GPI: variants seen among roughly 807,000 people sequenced by gnomAD.
GPI encodes the protein glucose-6-phosphate isomerase.
Under a neutral mutation model 75.8 loss-of-function variants are expected in GPI, and 56 were observed. That is an observed-to-expected ratio of 0.74 (90% CI 0.60 to 0.92). The LOEUF (loss-of-function observed/expected upper bound fraction) is 0.92, where lower values mean the gene tolerates loss of function less well. Ranked by LOEUF, GPI falls within the 40% of genes least tolerant of loss-of-function variation. The probability of loss-of-function intolerance (pLI) is 0.00; values close to 1 mark genes in which losing one functional copy is unlikely to be tolerated. For missense variants in GPI, 638 were observed against 741.0 expected (o/e 0.86, Z 1.61); for synonymous variants, 288 against 285.4 (o/e 1.01, Z -0.09).
At chr19:34,387,515 T>C (rs1015997376) in intron 9 of GPI, among the ~76,000 whole-genome samples, 11 of 151,684 alleles carry the variant, frequency 7.3e-5, no homozygotes, top group African/African-American at 2.4e-4. Context: ...TGTCAGTGAG[T>C]CTGTGGATCC....
chr19:34,384,716 G>A (rs2074706452), intron 9 of GPI, among the ~76,000 whole-genome samples: 2 of 152,194 alleles, frequency 1.3e-5, no homozygotes, highest in Non-Finnish European at 2.9e-5. Flanking sequence ...ATCTGGCACA[G>A]TGAGCAGGTC....
Position 34,365,223 on chromosome 19 carries a change from C to T in GPI, c.-44C>T, listed in dbSNP as rs773642615. The T allele has an allele frequency of 1.5e-5, 21 of 1,441,500 alleles. 1 individual carries two copies. Among genetic ancestry groups the T allele is most frequent in the Middle Eastern group, 1.9e-4 (1 of 5,302 alleles). 89.3% of individuals were successfully genotyped at this position (1,441,500 alleles called of 1,614,324 possible). A position where few individuals can be genotyped will look rare whatever the true frequency, so the allele number is the denominator to read the frequency against. The stretch of plus-strand genomic sequence containing the variant: ...TTGCTGCGCGCTGCCGGCGCTCCTT[C>T]CTCCTCGGCTCGCGTCTCACTCAGT... On this transcript the variant is annotated 5_prime_UTR_variant, in exon 1 of 18. Coordinates refer to ENST00000356487, the MANE Select transcript of GPI (RefSeq NM_000175.5).
intron 9 of GPI, among the ~76,000 whole-genome samples, chr19:34,390,957 C>G (rs1312458371): frequency 8.1e-6 from 1 of 124,138 alleles, no homozygotes; most frequent in Non-Finnish European, 1.7e-5. Flanking sequence ...GCACCTGGCA[C>G]AGGTATGAGG....
rs553828243 is a variant in GPI at position 34,390,594 on chromosome 19, A to G, written c.805-2654A>G. The stretch of plus-strand genomic sequence containing the variant: ...CCTGGGTCTGCTGGTGTCTGAGGAG[A>G]TAACAGCAGGTTACAGGTATGAGGC... On this transcript the variant is annotated intron_variant, in intron 9 of 17. Coordinates refer to ENST00000356487, the MANE Select transcript of GPI (RefSeq NM_000175.5). Among the ~76,000 whole-genome samples, 364 of 147,600 alleles carry G rather than the reference A, an allele frequency of 2.5e-3. 1 individual carries two copies. Among genetic ancestry groups the G allele is most frequent in the Non-Finnish European group, 4.3e-3 (287 of 66,640 alleles).
At chr19:34,376,933 G>C (rs1190120615) in intron 4 of GPI, among the ~76,000 whole-genome samples, 2 of 151,834 alleles carry the variant, frequency 1.3e-5, no homozygotes, top group Non-Finnish European at 2.9e-5. Flanking sequence ...CAGGCTTGTA[G>C]TCCCAGCTAC....
chr19:34,376,529 A>AC (rs947144083), intron 4 of GPI, among the ~76,000 whole-genome samples: 55 of 146,716 alleles, frequency 3.7e-4, no homozygotes, highest in Admixed American at 3.5e-3. Flanking sequence ...GTGCCGTTGT[A>AC]CTCCAGCCTG....
At chr19:34,398,448 C>G (rs916316575) in intron 14 of GPI, 1 of 152,034 alleles carries the variant, frequency 6.6e-6, no homozygotes, top group African/African-American at 2.4e-5. Context: ...TAGAACAGGG[C>G]GATGATGCCT....
chr19:34,381,860 C>T (rs2074658870), intron 9 of GPI, among the ~76,000 whole-genome samples: 1 of 152,218 alleles, frequency 6.6e-6, no homozygotes, highest in Non-Finnish European at 1.5e-5. Flanking sequence ...CTCTGAACTG[C>T]AGCCACCATC....
chr19:34,372,252 C>T (rs953758735), intron 4 of GPI, among the ~76,000 whole-genome samples: 6 of 152,190 alleles, frequency 3.9e-5, no homozygotes, highest in Non-Finnish European at 5.9e-5. Flanking sequence ...TTTCTAACCT[C>T]TTTTGTCACA....
chr19:34,361,599 T>C (rs1368564013), upstream of GPI, among the ~76,000 whole-genome samples: 1 of 152,136 alleles, frequency 6.6e-6, no homozygotes, highest in Non-Finnish European at 1.5e-5. Flanking sequence ...GGCTTTGGAT[T>C]AGACTTTTCT....
At chr19:34,365,551 C>A (rs2145313638) in intron 1 of GPI, 163 bp downstream of exon 1, 1 of 1,181,748 alleles carries the variant, frequency 8.5e-7, no homozygotes, top group Non-Finnish European at 1.2e-6. Flanking sequence ...TCCTTGGAGT[C>A]TCCTTGGAGT....
chr19:34,366,913 T>C (rs1341657019), intron 3 of GPI, 62 bp downstream of exon 3: 6 of 1,194,766 alleles, frequency 5.0e-6, no homozygotes, highest in Non-Finnish European at 7.5e-6. Flanking sequence ...TATCTGACTG[T>C]TAGCCGCATC....
Position 34,396,386 on chromosome 19 carries a change from C to T in GPI, c.1148C>T (p.Pro383Leu). 1 of 1,614,212 alleles carries T rather than the reference C, an allele frequency of 6.2e-7. No homozygotes were observed. The highest frequency in any genetic ancestry group is 8.5e-7 in the Non-Finnish European group (1 of 1,180,034). Residue 383 changes from proline to leucine, a missense_variant, in exon 13 of 18, where the codon CCA (proline) becomes CTA (leucine). Pro to Leu is a moderately conservative substitution (Grantham distance 98). Transcript: ENST00000356487. ...ACAGGCCCCATTGTGTGGGGGGAGCCAGGGACCAATGGCCAGCATGCTTTT... is the reference window on the plus strand; with the variant it reads ...ACAGGCCCCATTGTGTGGGGGGAGCTAGGGACCAATGGCCAGCATGCTTTT... ...HQTGPIVWGE[P>L]GTNGQHAFYQ...
chr19:34,390,780 C>T (rs1288494965), intron 9 of GPI, among the ~76,000 whole-genome samples: 1 of 147,794 alleles, frequency 6.8e-6, no homozygotes, highest in Non-Finnish European at 1.5e-5. Context: ...TATGGGTCTT[C>T]CATGTCTGAG....
At chr19:34,381,085 G>A in intron 8 of GPI, 1 of 353,924 alleles carries the variant, frequency 2.8e-6, no homozygotes, top group Non-Finnish European at 5.5e-6. Context: ...GCCCACACTT[G>A]GGTCCCAGTC....
rs933668811 is a variant in GPI at position 34,400,007 on chromosome 19, A to G, written c.1648A>G (p.Lys550Glu). The G allele has an allele frequency of 3.1e-6, 5 of 1,613,310 alleles. No homozygotes were observed. Among genetic ancestry groups the G allele is most frequent in the Admixed American group, 1.7e-5 (1 of 59,986 alleles). ...TACCAATGGGCTCATCAACTTCATC[A>G]AGCAGCAGCGCGAGGCCAGAGTCCA... Reference protein sequence around the residue: ...ASTNGLINFIKQQREARVQ With the variant: ...ASTNGLINFIEQQREARVQ The change falls in exon 18 of 18, where the codon AAG (lysine) becomes GAG (glutamate). Residue 550 changes from lysine (K) to glutamate (E), a missense_variant. Lys to Glu is a moderately conservative substitution (Grantham distance 56). Transcript: ENST00000356487.
chr19:34,380,849 A>G (rs539758078), intron 8 of GPI: 10 of 183,512 alleles, frequency 5.4e-5, no homozygotes, highest in African/African-American at 1.7e-4. Context: ...GCAGGACGCC[A>G]TAAGGCTGGC....
At chr19:34,370,754 C>T (rs1441627152) in intron 4 of GPI, among the ~76,000 whole-genome samples, 1 of 151,708 alleles carries the variant, frequency 6.6e-6, no homozygotes, top group Non-Finnish European at 1.5e-5. Flanking sequence ...AAAAACCAAC[C>T]CATCTCTGGA....
At chr19:34,395,335 A>G (rs1389687339) in intron 12 of GPI, among the ~76,000 whole-genome samples, 1 of 151,706 alleles carries the variant, frequency 6.6e-6, no homozygotes, top group Non-Finnish European at 1.5e-5. Flanking sequence ...GTTCAAGACC[A>G]GCCTGGGCAA....
Sources: allele counts gnomAD v4.1 joint callset (sites outside exome capture counted in the v4.1 genomes callset), GRCh38; gene constraint gnomAD v4.1.1; transcripts MANE v1.5; gene names NCBI Gene and HGNC (gene_info 2026-07-23, HGNC 2026-07-21).